The following ZNF345 variants were observed in gnomAD, a reference collection of about 807,000 sequenced individuals.
The protein encoded by ZNF345 is zinc finger protein HZF10.
For missense variants in ZNF345, 527 were observed against 589.9 expected (o/e 0.89, Z 1.10); for synonymous variants, 166 against 187.9 (o/e 0.88, Z 0.95).
chr19:36,884,169 G>A (rs532753687), downstream of ZNF345, among the ~76,000 whole-genome samples: 4 of 152,178 alleles, frequency 2.6e-5, no homozygotes, highest in African/African-American at 4.8e-5. Context: ...GGGTTCAAGC[G>A]ATTCTCCTGC....
intron 3 of ZNF345, among the ~76,000 whole-genome samples, chr19:36,887,276 G>T (rs1300204922): frequency 6.6e-6 from 1 of 152,106 alleles, no homozygotes. Context: ...AATGCAATGT[G>T]TTCTCCTGCT....
chr19:36,868,434 T>G (rs1347346283), intron 2 of ZNF345, among the ~76,000 whole-genome samples: 1 of 152,160 alleles, frequency 6.6e-6, no homozygotes, highest in Non-Finnish European at 1.5e-5. Context: ...ATGTTTGGGT[T>G]TATTTCTGGA....
At chr19:36,860,540 T>A (rs1427544454) in intron 2 of ZNF345, among the ~76,000 whole-genome samples, 1 of 152,184 alleles carries the variant, frequency 6.6e-6, no homozygotes, top group African/African-American at 2.4e-5. Flanking sequence ...ATCTTGGAAT[T>A]TTTGAAGAGG....
At chr19:36,881,233 C>T (rs143391491), downstream of ZNF345, among the ~76,000 whole-genome samples, 3 of 152,218 alleles carry the variant, frequency 2.0e-5, no homozygotes, top group East Asian at 5.8e-4. Flanking sequence ...ACATTATGCT[C>T]AAAGATAATT....
intron 2 of ZNF345, among the ~76,000 whole-genome samples, chr19:36,871,019 C>G (rs1412715675): frequency 3.9e-5 from 6 of 152,132 alleles, no homozygotes; most frequent in Admixed American, 2.6e-4. Context: ...TAACAAAGTA[C>G]CATAAACTAG....
At chr19:36,888,102 T>A (rs1393899802) in intron 3 of ZNF345, 1 of 152,004 alleles carries the variant, frequency 6.6e-6, no homozygotes, top group Non-Finnish European at 1.5e-5. Flanking sequence ...AAATTTGTAA[T>A]CAGTAAAGAT....
chr19:36,886,437 T>C (rs934571244), intron 3 of ZNF345, among the ~76,000 whole-genome samples: 1 of 152,222 alleles, frequency 6.6e-6, no homozygotes, highest in Admixed American at 6.5e-5. Context: ...TTTACCTCTG[T>C]GATCTTCCTC....
At chr19:36,885,805 G>A (rs1458331181) in intron 3 of ZNF345, among the ~76,000 whole-genome samples, 2 of 151,982 alleles carry the variant, frequency 1.3e-5, no homozygotes, top group African/African-American at 2.4e-5. Context: ...AGATTTAGTG[G>A]GTCAAGTTTA....
intron 2 of ZNF345, among the ~76,000 whole-genome samples, chr19:36,859,554 T>G (rs1390177106): frequency 6.6e-6 from 1 of 152,048 alleles, no homozygotes; most frequent in Non-Finnish European, 1.5e-5. Flanking sequence ...TTTTATATTA[T>G]TTTTATACAG....
At chr19:36,882,836 CTA>C (rs2072976811), downstream of ZNF345, among the ~76,000 whole-genome samples, 1 of 152,036 alleles carries the variant, frequency 6.6e-6, no homozygotes, top group African/African-American at 2.4e-5. Context: ...TATATATTCT[CTA>C]TAAAACACAA....
At chr19:36,866,346 C>CG (rs1222948891) in intron 2 of ZNF345, among the ~76,000 whole-genome samples, 3 of 151,940 alleles carry the variant, frequency 2.0e-5, no homozygotes, top group Non-Finnish European at 4.4e-5. Context: ...TTGCTAATAC[C>CG]ACAAAGCCAT....
chr19:36,872,205 A>G (rs2072784704), intron 2 of ZNF345, among the ~76,000 whole-genome samples: 1 of 152,222 alleles, frequency 6.6e-6, no homozygotes. Flanking sequence ...CAAGCATACC[A>G]CATAGGTGGT....
chr19:36,855,288 C>G (rs1194942889), intron 2 of ZNF345, among the ~76,000 whole-genome samples: 11 of 146,426 alleles, frequency 7.5e-5, no homozygotes, highest in Admixed American at 6.1e-4. Flanking sequence ...GACTACAGGC[C>G]CCCGCCACCA....
chr19:36,869,600 A>G (rs936757195), intron 2 of ZNF345, among the ~76,000 whole-genome samples: 4 of 152,178 alleles, frequency 2.6e-5, no homozygotes, highest in Admixed American at 2.0e-4. Flanking sequence ...CCTCATTAGC[A>G]TAAACTCAGG....
Position 36,851,848 on chromosome 19 carries a change from G to C in ZNF345, c.-103G>C, listed in dbSNP as rs936979977. On this transcript the variant is annotated 5_prime_UTR_variant, in exon 2 of 3. Transcript: ENST00000420450. The stretch of plus-strand genomic sequence containing the variant: ...TCCTCAGCCCTGCCCTGCTTGGATA[G>C]AGGCCTCCGAACAGGAGTAAAGAAT... 1.3e-5 allele frequency: 2 copies of C among 152,238 alleles called. No homozygotes were observed. The highest frequency in any genetic ancestry group is 1.9e-4 in the East Asian group (1 of 5,190). 9.4% of individuals were successfully genotyped at this position (152,238 alleles called of 1,614,324 possible). A position where few individuals can be genotyped will look rare whatever the true frequency, so the allele number is the denominator to read the frequency against.
rs2072933705 is a variant in ZNF345, at chr19:36,878,275, G to C, written c.1445G>C (p.Cys482Ser). Reference protein sequence around the residue: ...HKKSHNGKKLCELETIN With the variant: ...HKKSHNGKKLSELETIN Reference sequence around the variant, plus strand: ...AAAAGTCATAATGGTAAGAAACTCTGCGAATTGGAAACTATAAATTGAAAT... The same window carrying C: ...AAAAGTCATAATGGTAAGAAACTCTCCGAATTGGAAACTATAAATTGAAAT... Residue 482 changes from cysteine (C) to serine (S), a missense_variant, in exon 3 of 3, where the codon TGC becomes TCC. Physicochemically the swap from Cys to Ser is moderately radical, Grantham distance 112. Transcript: ENST00000420450. 6.3e-7 allele frequency: 1 copy of C among 1,575,768 alleles called. No individual in the cohort carries two copies.
intron 3 of ZNF345, among the ~76,000 whole-genome samples, chr19:36,887,068 C>G (rs2073005123): frequency 6.6e-6 from 1 of 151,462 alleles, no homozygotes; most frequent in Admixed American, 6.6e-5. Flanking sequence ...GAGGCTGAGG[C>G]AGGAGATCCA....
intron 3 of ZNF345, chr19:36,890,229 T>C (rs1307497999): frequency 2.0e-5 from 3 of 152,156 alleles, no homozygotes; most frequent in African/African-American, 7.2e-5. Context: ...GAGAAGAGTA[T>C]ATATTCTGTG....
chr19:36,853,813 A>T (rs2072343290), intron 2 of ZNF345, among the ~76,000 whole-genome samples: 1 of 152,136 alleles, frequency 6.6e-6, no homozygotes, highest in Admixed American at 6.6e-5. Flanking sequence ...ACTCACTGTA[A>T]CTTTGTATTT....
Sources: gnomAD v4.1 joint callset for allele counts (sites outside exome capture counted in the v4.1 genomes callset) on GRCh38, gnomAD v4.1.1 for gene constraint, MANE v1.5 for transcripts, NCBI Gene and HGNC (gene_info 2026-07-23, HGNC 2026-07-21) for gene names.